PRKG1: variants seen among roughly 807,000 people sequenced by gnomAD.
PRKG1 encodes the protein cGMP-dependent protein kinase 1.
PRKG1 carries 35 observed loss-of-function variants against 88.1 expected under a neutral mutation model. The observed-to-expected ratio is 0.40, with a 90% CI of 0.30 to 0.53. PRKG1 has a LOEUF of 0.53. Ranked by LOEUF, PRKG1 falls within the 20% of genes least tolerant of loss-of-function variation. The probability of loss-of-function intolerance (pLI) is 0.59; values close to 1 mark genes in which losing one functional copy is unlikely to be tolerated. For synonymous variants in PRKG1, 303 were observed against 292.5 expected (o/e 1.04, Z -0.37); for missense variants, 540 against 839.8 (o/e 0.64, Z 4.41).
intron 2 of PRKG1, among the ~76,000 whole-genome samples, chr10:51,459,308 A>G (rs941582327): frequency 1.3e-5 from 2 of 152,156 alleles, no homozygotes; most frequent in African/African-American, 4.8e-5. Context: ...TGAATACTGT[A>G]TATTAGACAT....
intron 1 of PRKG1, among the ~76,000 whole-genome samples, chr10:50,997,939 G>A (rs556998612): frequency 1.9e-4 from 29 of 152,114 alleles, no homozygotes; most frequent in Admixed American, 3.9e-4. Flanking sequence ...TTACAAATGT[G>A]CATTTCTTAT....
chr10:51,013,528 C>A (rs1363814891), intron 1 of PRKG1, among the ~76,000 whole-genome samples: 2 of 152,022 alleles, frequency 1.3e-5, no homozygotes, highest in Non-Finnish European at 2.9e-5. Context: ...GTAGCTGTGA[C>A]TACAGGTGCA....
chr10:51,574,366 A>G (rs755615074), intron 3 of PRKG1, among the ~76,000 whole-genome samples: 2 of 151,876 alleles, frequency 1.3e-5, no homozygotes, highest in African/African-American at 2.4e-5. Flanking sequence ...CATGATTGCT[A>G]TGTTCTTTTC....
At chr10:51,065,487 ATT>A (rs894897357) in intron 1 of PRKG1, among the ~76,000 whole-genome samples, 1 of 151,828 alleles carries the variant, frequency 6.6e-6, no homozygotes, top group Non-Finnish European at 1.5e-5. Context: ...ATAGGGATGT[ATT>A]TTTTTTCCAT....
At chr10:52,263,738 C>T (rs1405499467) in intron 10 of PRKG1, among the ~76,000 whole-genome samples, 1 of 151,602 alleles carries the variant, frequency 6.6e-6, no homozygotes, top group Non-Finnish European at 1.5e-5. Context: ...CCATGCCCGA[C>T]TAATTTTTGT....
chr10:51,768,646 A>G (rs1300515366), intron 3 of PRKG1, among the ~76,000 whole-genome samples: 1 of 152,108 alleles, frequency 6.6e-6, no homozygotes, highest in African/African-American at 2.4e-5. Flanking sequence ...TTACCCCCAT[A>G]TGTTTTACAT....
At chr10:51,881,469 A>G (rs1841436392) in intron 4 of PRKG1, among the ~76,000 whole-genome samples, 1 of 152,090 alleles carries the variant, frequency 6.6e-6, no homozygotes, top group Non-Finnish European at 1.5e-5. Flanking sequence ...ATAGCAGGAA[A>G]CTGGCTTCTT....
intron 3 of PRKG1, among the ~76,000 whole-genome samples, chr10:51,579,208 C>T (rs1010254220): frequency 1.3e-5 from 2 of 151,912 alleles, no homozygotes; most frequent in South Asian, 4.2e-4. Flanking sequence ...TCTTGAACCC[C>T]TGACCTCTAG....
intron 4 of PRKG1, among the ~76,000 whole-genome samples, chr10:51,816,149 G>A (rs189902429): frequency 3.7e-4 from 57 of 152,184 alleles, no homozygotes; most frequent in Admixed American, 1.6e-3. Context: ...AACCAGAATC[G>A]TGAAAATTAG....
chr10:51,748,089 T>C (rs1158794614), intron 3 of PRKG1, among the ~76,000 whole-genome samples: 1 of 152,204 alleles, frequency 6.6e-6, no homozygotes, highest in Admixed American at 6.5e-5. Flanking sequence ...ATATATTTTG[T>C]CTCTACAGAA....
chr10:51,892,078 C>T (rs1841735010), intron 4 of PRKG1, among the ~76,000 whole-genome samples: 1 of 152,180 alleles, frequency 6.6e-6, no homozygotes. Flanking sequence ...TATTGTAAAT[C>T]TTGTCACCTC....
chr10:51,528,587 A>T (rs1217342083), intron 3 of PRKG1, among the ~76,000 whole-genome samples: 1 of 149,222 alleles, frequency 6.7e-6, no homozygotes, highest in Non-Finnish European at 1.5e-5. Context: ...AAAAAAACAA[A>T]TTCAGAGGTG....
At chr10:51,491,315 A>T (rs917261031) in intron 3 of PRKG1, among the ~76,000 whole-genome samples, 61 of 152,196 alleles carry the variant, frequency 4.0e-4, no homozygotes, top group African/African-American at 1.3e-3. Context: ...CTACTGTCAG[A>T]CCTCCTAAAG....
chr10:51,271,013 G>A (rs1038128868), intron 2 of PRKG1, among the ~76,000 whole-genome samples: 1 of 152,166 alleles, frequency 6.6e-6, no homozygotes, highest in African/African-American at 2.4e-5. Flanking sequence ...TAACCTAATT[G>A]TTTTGTCAGT....
chr10:51,718,975 T>C (rs969026714), intron 3 of PRKG1, among the ~76,000 whole-genome samples: 5 of 151,672 alleles, frequency 3.3e-5, no homozygotes, highest in African/African-American at 1.2e-4. Context: ...AGGAAGACTA[T>C]CTCTACAAAA....
At position 51,439,607 on chromosome 10, in the gene PRKG1, A is replaced by G. The variant is rs150347825; in HGVS notation, c.479-28116A>G. 2.5e-3 allele frequency among the ~76,000 whole-genome samples: 375 copies of G among 152,054 alleles called. 3 individuals are homozygous for G. Among genetic ancestry groups the G allele is most frequent in the South Asian group, 0.021 (101 of 4,832 alleles). ...GGATTTTCAAGTACAGTCAAAAAGT[A>G]TAGAAGTAGCATTACTAACGTTTTA... is the stretch of plus-strand genomic sequence containing the variant. On this transcript the variant is annotated intron_variant, in intron 2 of 17. Coordinates refer to ENST00000373980, the MANE Select transcript of PRKG1 (RefSeq NM_006258.4).
intron 4 of PRKG1, among the ~76,000 whole-genome samples, chr10:51,899,409 C>T (rs974648372): frequency 4.6e-5 from 7 of 151,470 alleles, no homozygotes; most frequent in Admixed American, 2.0e-4. Context: ...TACAATTATA[C>T]ATCTCAGCAC....
At chr10:51,690,123 G>A (rs1477818025) in intron 3 of PRKG1, among the ~76,000 whole-genome samples, 1 of 152,110 alleles carries the variant, frequency 6.6e-6, no homozygotes, top group African/African-American at 2.4e-5. Context: ...ACCAGAGCAG[G>A]AGCAAGAGAG....
chr10:52,002,420 T>C (rs1465667076), intron 5 of PRKG1, among the ~76,000 whole-genome samples: 1 of 152,182 alleles, frequency 6.6e-6, no homozygotes, highest in African/African-American at 2.4e-5. Flanking sequence ...GTTTGTCTTA[T>C]AACACACTGG....
Sources: gnomAD v4.1 joint callset for allele counts (sites outside exome capture counted in the v4.1 genomes callset) on GRCh38, gnomAD v4.1.1 for gene constraint, MANE v1.5 for transcripts, NCBI Gene and HGNC (gene_info 2026-07-23, HGNC 2026-07-21) for gene names.